The following BCAT2 variants were observed in gnomAD, a reference collection of about 807,000 sequenced individuals.
BCAT2 encodes branched chain amino acid transaminase 2.
Under a neutral mutation model 52.9 loss-of-function variants are expected in BCAT2, and 44 were observed. The ratio of observed to expected loss-of-function variants is 0.83; its 90% CI spans 0.65 to 1.07. The LOEUF is 1.07. Ranked by LOEUF, BCAT2 falls within the 50% of genes least tolerant of loss-of-function variation. The pLI is 0.00. For synonymous variants in BCAT2, 215 were observed against 217.1 expected (o/e 0.99, Z 0.08); for missense variants, 478 against 521.8 (o/e 0.92, Z 0.82).
chr19:48,795,859 A>T (rs909471323), intron 10 of BCAT2: 2 of 295,422 alleles, frequency 6.8e-6, no homozygotes, highest in Non-Finnish European at 1.3e-5. Context: ...AGATGGGAAT[A>T]CCCCCAGAGA....
At chr19:48,800,404 G>A in intron 3 of BCAT2, 107 bp from the exon 4 acceptor site, 1 of 1,019,900 alleles carries the variant, frequency 9.8e-7, no homozygotes, top group East Asian at 2.6e-5. Context: ...ACTGAAAGAT[G>A]GAGGCCAAGA....
chr19:48,800,657 C>T (rs779898530), intron 3 of BCAT2, among the ~76,000 whole-genome samples: 26 of 152,088 alleles, frequency 1.7e-4, no homozygotes, highest in African/African-American at 4.8e-4. Flanking sequence ...CCAAAAAATA[C>T]GAAAATTAGC....
chr19:48,802,823 T>G (rs1258644531), intron 3 of BCAT2, among the ~76,000 whole-genome samples: 5 of 152,060 alleles, frequency 3.3e-5, no homozygotes, highest in Non-Finnish European at 7.4e-5. Flanking sequence ...GGGGATTGCC[T>G]AAGGAGGTGC....
chr19:48,797,747 C>T (rs1438521473), intron 6 of BCAT2, among the ~76,000 whole-genome samples: 1 of 150,474 alleles, frequency 6.6e-6, no homozygotes, highest in African/African-American at 2.4e-5. Context: ...CGCGCCCAGC[C>T]CTCACCCATT....
chr19:48,796,084 G>A (rs779081189), intron 10 of BCAT2: 1 of 472,982 alleles, frequency 2.1e-6, no homozygotes, highest in Admixed American at 3.8e-5. Flanking sequence ...TCACAGGGAG[G>A]GAGTTTCTCC....
Position 48,811,012 on chromosome 19 carries a change from C to G in BCAT2, c.-5G>C. On this transcript the variant is annotated 5_prime_UTR_variant, in exon 1 of 11. Transcript: ENST00000316273. ...CCCCAGAGCGGCTGCGGCCATGATC[C>G]GTGCGGCGCGTAACTGTGCCCGCCC... is the stretch of plus-strand genomic sequence containing the variant. 1.2e-6 allele frequency: 2 copies of G among 1,604,222 alleles called. No individual in the cohort carries two copies. Among genetic ancestry groups the G allele is most frequent in the Non-Finnish European group, 1.7e-6 (2 of 1,176,522 alleles).
chr19:48,806,116 C>T (rs982117084), intron 3 of BCAT2, among the ~76,000 whole-genome samples: 2 of 113,444 alleles, frequency 1.8e-5, no homozygotes, highest in African/African-American at 3.6e-5. Flanking sequence ...GTCCCTCTCC[C>T]GCCAGCCCCC....
intron 7 of BCAT2, 49 bp from the exon 8 acceptor site, chr19:48,797,071 C>A (rs1457574787): frequency 1.1e-5 from 18 of 1,612,126 alleles, no homozygotes; most frequent in Non-Finnish European, 1.5e-5. Context: ...CCCCCTAGCA[C>A]CGCCGTCTTA....
Position 48,796,698 on chromosome 19 carries a change from C to T in BCAT2, c.945G>A (p.Glu315=). 2 of 1,612,544 alleles carry T rather than the reference C, an allele frequency of 1.2e-6. No individual in the cohort carries two copies. Among genetic ancestry groups the T allele is most frequent in the African/African-American group, 1.3e-5 (1 of 75,070 alleles). The stretch of plus-strand genomic sequence containing the variant: ...GCAACTGCTTCATGGTGATCGTGCG[C>T]TCCACCACCCGGAACTCACCCTGCA... ...AQTWGEFRVV[E]RTITMKQLLR... The change falls in exon 9 of 11, where the codon GAG becomes GAA. Residue 315 remains glutamate, a synonymous_variant. Coordinates refer to ENST00000316273, the MANE Select transcript of BCAT2 (RefSeq NM_001190.4).
chr19:48,797,443 A>C, intron 6 of BCAT2, 110 bp from the exon 7 acceptor site: 2 of 1,359,094 alleles, frequency 1.5e-6, no homozygotes, highest in Non-Finnish European at 1.0e-6. Flanking sequence ...CACAGCTCTC[A>C]CAGGGCTCCC....
In BCAT2 at chr19:48,810,966, G is replaced by T. The variant is rs770630219; in HGVS notation, c.24+18C>A. On this transcript the variant is annotated intron_variant, in intron 1 of 10. Coordinates refer to ENST00000316273, the MANE Select transcript of BCAT2 (RefSeq NM_001190.4). ...CCCCGGTTATTTCCCAGACCCCGGC[G>T]CGGGGCTGCGAACCCACCTGCCCCA... 1 of 1,607,246 alleles carries T rather than the reference G, an allele frequency of 6.2e-7. No individual in the cohort carries two copies. Among genetic ancestry groups the T allele is most frequent in the Non-Finnish European group, 8.5e-7 (1 of 1,177,672 alleles).
chr19:48,800,940 A>T (rs1440890768), intron 3 of BCAT2, among the ~76,000 whole-genome samples: 2 of 151,988 alleles, frequency 1.3e-5, no homozygotes, highest in African/African-American at 4.8e-5. Flanking sequence ...CTGCAGTCCC[A>T]TGCACCAGGG....
chr19:48,804,723 C>T (rs1405376106), intron 3 of BCAT2, among the ~76,000 whole-genome samples: 1 of 152,124 alleles, frequency 6.6e-6, no homozygotes, highest in Non-Finnish European at 1.5e-5. Flanking sequence ...GGGCCACAGG[C>T]TTCCTCTGCT....
chr19:48,809,066 C>CAAAAAAAAA lies in BCAT2; in HGVS notation c.24+1909_24+1917dup, dbSNP rs3057799. Reference sequence around the variant, plus strand: ...CCAGCATGAGTGATAGAGTGTCTCTCAAAAAAAAAAAAAAAAAAAAAAAAA... The same window carrying CAAAAAAAAA: ...CCAGCATGAGTGATAGAGTGTCTCTCAAAAAAAAAAAAAAAAAAAAAAAAAAAAAAAAAA... On this transcript the variant is annotated intron_variant, in intron 1 of 10. Transcript: ENST00000316273. Among the ~76,000 whole-genome samples the CAAAAAAAAA allele has an allele frequency of 3.5e-4, 10 of 28,966 alleles. 5 individuals are homozygous for CAAAAAAAAA. The highest frequency in any genetic ancestry group is 1.4e-3 in the Admixed American group (2 of 1,452). 19.0% of individuals were successfully genotyped at this position (28,966 alleles called of 152,430 possible).
intron 10 of BCAT2, 90 bp downstream of exon 10, chr19:48,796,338 G>C (rs1215636415): frequency 1.3e-6 from 2 of 1,490,242 alleles, no homozygotes; most frequent in Non-Finnish European, 1.9e-6. Flanking sequence ...TACTACTGAA[G>C]GAGGCTGGCT....
chr19:48,797,293 T>C lies in BCAT2; in HGVS notation c.736A>G (p.Lys246Glu). Residue 246 changes from lysine (K) to glutamate (E), a missense_variant, in exon 7 of 11, where the codon AAG (lysine) becomes GAG (glutamate). Lys to Glu is a moderately conservative substitution (Grantham distance 56). Coordinates refer to ENST00000316273, the MANE Select transcript of BCAT2 (RefSeq NM_001190.4). ...CAGAGGACCTGTTCACAGCCCCGCT[T>C]GAGTGCCTCCTGTTGCACTAACACG... is the stretch of plus-strand genomic sequence containing the variant. Reference protein sequence around the residue: ...PTVLVQQEALKRGCEQVLWLY... With the variant: ...PTVLVQQEALERGCEQVLWLY... 1.2e-6 allele frequency: 2 copies of C among 1,614,094 alleles called. No individual in the cohort carries two copies. The highest frequency in any genetic ancestry group is 1.7e-6 in the Non-Finnish European group (2 of 1,179,996).
At position 48,799,923 on chromosome 19, in the gene BCAT2, C is replaced by G; in HGVS notation, c.531+58G>C. 3.1e-6 allele frequency: 5 copies of G among 1,606,698 alleles called. No individual in the cohort carries two copies. The highest frequency in any genetic ancestry group is 4.3e-6 in the Non-Finnish European group (5 of 1,176,318). On this transcript the variant is annotated intron_variant, in intron 5 of 10. Transcript: ENST00000316273. This position sits in a 1 kb window ranked among gnomAD's most constrained non-coding sequence, Gnocchi z 5.5. Reference sequence around the variant, plus strand: ...GGCCCAGGCCTCCAGGACCCCACCCCTGCCCTGCAGAATCCAACCCCCGCA... The same window carrying G: ...GGCCCAGGCCTCCAGGACCCCACCCGTGCCCTGCAGAATCCAACCCCCGCA...
intron 6 of BCAT2, 92 bp from the exon 7 acceptor site, chr19:48,797,425 TC>T: frequency 6.7e-7 from 1 of 1,491,520 alleles, no homozygotes; most frequent in Non-Finnish European, 9.1e-7. Context: ...CTCTCCCGTC[TC>T]CCTGCTCACA....
Position 48,800,167 on chromosome 19 carries a change from G to A in BCAT2, c.411+20C>T. Reference sequence around the variant, plus strand: ...CGGCCCCAGCCCTCCTCCCCACCCCGGTGGACCGGGACCCCTCACCGGCAG... The same window carrying A: ...CGGCCCCAGCCCTCCTCCCCACCCCAGTGGACCGGGACCCCTCACCGGCAG... On this transcript the variant is annotated intron_variant, in intron 4 of 10. Coordinates refer to ENST00000316273, the MANE Select transcript of BCAT2 (RefSeq NM_001190.4). 1.9e-6 allele frequency: 3 copies of A among 1,612,722 alleles called. No homozygotes were observed. Among genetic ancestry groups the A allele is most frequent in the East Asian group, 2.2e-5 (1 of 44,846 alleles).
Sources: gnomAD v4.1 joint callset for allele counts (sites outside exome capture counted in the v4.1 genomes callset) on GRCh38, gnomAD v4.1.1 for gene constraint, Gnocchi (gnomAD v3.1) non-coding constraint, MANE v1.5 for transcripts, NCBI Gene and HGNC (gene_info 2026-07-23, HGNC 2026-07-21) for gene names.